Variants in MYO16 observed in about 807,000 individuals in gnomAD.
MYO16 encodes unconventional myosin-XVI.
MYO16 carries 94 observed loss-of-function variants against 205.3 expected under a neutral mutation model. The observed-to-expected ratio is 0.46, with a 90% CI of 0.39 to 0.54. The LOEUF is 0.54. Among genes scored for constraint, MYO16 ranks in the 20% least tolerant of loss-of-function variants. The pLI is 0.00. For synonymous variants in MYO16, 988 were observed against 954.0 expected (o/e 1.04, Z -0.66); for missense variants, 2,315 against 2,387.5 (o/e 0.97, Z 0.63).
chr13:109,181,880 G>C (rs971585140), intron 34 of MYO16, among the ~76,000 whole-genome samples: 11 of 151,482 alleles, frequency 7.3e-5, no homozygotes, highest in African/African-American at 2.4e-4. Context: ...GAGTGCAATG[G>C]GATGATCTCA....
intron 15 of MYO16, among the ~76,000 whole-genome samples, chr13:108,908,217 C>T (rs997629372): frequency 6.6e-6 from 1 of 152,208 alleles, no homozygotes; most frequent in Non-Finnish European, 1.5e-5. Flanking sequence ...ATTTTACCAT[C>T]ACCTTTGGGC....
intron 3 of MYO16, among the ~76,000 whole-genome samples, chr13:108,717,368 GC>G (rs60770506): frequency 1 from 152,180 of 152,184 alleles, 76,088 homozygotes; most frequent in Middle Eastern, 1. Context: ...GGTGACTCAC[GC>G]CCTGTAATCT....
At chr13:109,188,573 G>A (rs1356073749) in intron 34 of MYO16, among the ~76,000 whole-genome samples, 1 of 152,140 alleles carries the variant, frequency 6.6e-6, no homozygotes, top group Non-Finnish European at 1.5e-5. Context: ...ATATAAAGGG[G>A]AGTTTGTTAG....
chr13:108,792,505 C>A (rs1383700649), intron 5 of MYO16, among the ~76,000 whole-genome samples: 5 of 118,860 alleles, frequency 4.2e-5, no homozygotes, highest in Non-Finnish European at 6.6e-5. Context: ...AGTTTTTATA[C>A]TAATGTCTTT....
intron 27 of MYO16, among the ~76,000 whole-genome samples, chr13:109,066,966 TC>T (rs145583243): frequency 0.13 from 19,570 of 152,240 alleles, 1,556 homozygotes; most frequent in Middle Eastern, 0.18. Flanking sequence ...AGTGGTATGA[TC>T]CCCCATAACA....
At chr13:108,970,989 A>G (rs1263489257) in intron 20 of MYO16, among the ~76,000 whole-genome samples, 1 of 152,232 alleles carries the variant, frequency 6.6e-6, no homozygotes, top group Admixed American at 6.5e-5. Context: ...TTTAATTTTT[A>G]TAAAGGATAT....
chr13:109,134,600 G>T (rs971742690), intron 31 of MYO16, among the ~76,000 whole-genome samples: 2 of 152,272 alleles, frequency 1.3e-5, no homozygotes, highest in South Asian at 2.1e-4. Context: ...TGTCTGTGTG[G>T]TCTCTCTGCA....
At chr13:108,667,037 CCAAA>C (rs1239158983) in intron 2 of MYO16, among the ~76,000 whole-genome samples, 2 of 152,146 alleles carry the variant, frequency 1.3e-5, no homozygotes, top group East Asian at 3.9e-4. Context: ...AATTTGGAAT[CCAAA>C]AAGCTCCGAA....
chr13:109,181,823 TTTA>T (rs772495061), intron 34 of MYO16, among the ~76,000 whole-genome samples: 4 of 149,684 alleles, frequency 2.7e-5, no homozygotes, highest in African/African-American at 5.0e-5. Flanking sequence ...TTTATTTTAT[TTTA>T]TTTTTTTTTT....
chr13:109,014,911 G>A (rs1358462578), intron 22 of MYO16, among the ~76,000 whole-genome samples: 2 of 151,986 alleles, frequency 1.3e-5, no homozygotes, highest in Admixed American at 6.5e-5. Flanking sequence ...TCTGCAAACA[G>A]GGACACTTTG....
intron 2 of MYO16, among the ~76,000 whole-genome samples, chr13:108,695,858 T>C (rs147645281): frequency 9.7e-4 from 148 of 152,290 alleles, no homozygotes; most frequent in South Asian, 8.3e-3. Flanking sequence ...ATCCTTGGAA[T>C]GAAAGGTTGA....
intron 21 of MYO16, among the ~76,000 whole-genome samples, chr13:109,008,668 T>C (rs1317289022): frequency 2.1e-5 from 3 of 144,580 alleles, no homozygotes; most frequent in African/African-American, 5.2e-5. Context: ...GTGTATGCAC[T>C]ACTGTACTAT....
intron 20 of MYO16, among the ~76,000 whole-genome samples, chr13:108,982,531 T>A (rs1405335524): frequency 6.6e-6 from 1 of 152,214 alleles, no homozygotes; most frequent in Non-Finnish European, 1.5e-5. Flanking sequence ...AGCTACTGGG[T>A]TGAAATGGCA....
chr13:108,915,422 C>T (rs1881453572), intron 16 of MYO16, among the ~76,000 whole-genome samples: 1 of 152,158 alleles, frequency 6.6e-6, no homozygotes, highest in Non-Finnish European at 1.5e-5. Flanking sequence ...AACACAAACA[C>T]AAATGCTTGT....
In MYO16 at chr13:108,629,851, C is replaced by T. The variant is rs1236249398; in HGVS notation, c.7C>T (p.His3Tyr). The change falls in exon 1 of 35, where the codon CAC (histidine) becomes TAC (tyrosine). Residue 3 changes from histidine to tyrosine, a missense_variant. His to Tyr is a moderately conservative substitution (Grantham distance 83). Coordinates refer to ENST00000457511, the MANE Select transcript of MYO16 (RefSeq NM_001198950.3). ...TCCTGTCTGAGATGGAAAGATGTCT[C>T]ACTATCATTTTATCAAGTGCTGTAA... Reference protein sequence around the residue: MSHYHFIKCCCFQ... With the variant: MSYYHFIKCCCFQ... 1.3e-6 allele frequency: 2 copies of T among 1,529,222 alleles called. No homozygotes were observed. Among genetic ancestry groups the T allele is most frequent in the Middle Eastern group, 1.7e-4 (1 of 5,960 alleles). 94.7% of individuals were successfully genotyped at this position (1,529,222 alleles called of 1,614,324 possible). A position where few individuals can be genotyped will look rare whatever the true frequency, so the allele number is the denominator to read the frequency against.
At chr13:108,783,068 A>C (rs1304143767) in intron 4 of MYO16, among the ~76,000 whole-genome samples, 1 of 152,108 alleles carries the variant, frequency 6.6e-6, no homozygotes, top group Non-Finnish European at 1.5e-5. Flanking sequence ...ATCATCCTCC[A>C]GACCCCAGAA....
At chr13:108,817,997 T>C (rs992472926) in intron 7 of MYO16, among the ~76,000 whole-genome samples, 1 of 152,200 alleles carries the variant, frequency 6.6e-6, no homozygotes, top group African/African-American at 2.4e-5. Context: ...GATGAAAATT[T>C]ACAGCCTTTA....
chr13:109,133,029 G>A (rs942060539), intron 31 of MYO16, among the ~76,000 whole-genome samples: 34 of 152,116 alleles, frequency 2.2e-4, no homozygotes, highest in African/African-American at 8.2e-4. Context: ...CAGTCAAGAG[G>A]GTAAAAGATG....
chr13:108,571,363 A>G, the MYO16 span, among the ~76,000 whole-genome samples: 1 of 152,068 alleles, frequency 6.6e-6, no homozygotes. Context: ...AAAAAATAAT[A>G]CAAGTGGTGC....
Sources: gnomAD v4.1 joint callset for allele counts (sites outside exome capture counted in the v4.1 genomes callset) on GRCh38, gnomAD v4.1.1 for gene constraint, MANE v1.5 for transcripts, NCBI Gene and HGNC (gene_info 2026-07-23, HGNC 2026-07-21) for gene names.